The following GRAMD1A variants were observed in gnomAD, a reference collection of about 807,000 sequenced individuals.
GRAMD1A encodes the protein protein Aster-A.
GRAMD1A carries 50 observed loss-of-function variants against 92.0 expected under a neutral mutation model. The observed-to-expected ratio is 0.54, with a 90% confidence interval of 0.43 to 0.69. The LOEUF (loss-of-function observed/expected upper bound fraction) is 0.69. Ranked by LOEUF, GRAMD1A falls within the 30% of genes least tolerant of loss-of-function variation. GRAMD1A has a pLI of 0.00. For missense variants in GRAMD1A, 819 were observed against 978.9 expected (o/e 0.84, Z 2.18); for synonymous variants, 405 against 403.6 (o/e 1.00, Z -0.04).
rs2015389934 is a variant in GRAMD1A at position 35,013,408 on chromosome 19, G to A, written c.719+40G>A. 1.3e-6 allele frequency: 2 copies of A among 1,501,914 alleles called. No individual in the cohort carries two copies. Among genetic ancestry groups the A allele is most frequent in the African/African-American group, 1.4e-5 (1 of 72,316 alleles). 93.0% of individuals were successfully genotyped at this position (1,501,914 alleles called of 1,614,324 possible). ...AAAGGAGGTTGAAGGGTTCGGGGGAGAACAGGACGGTCGGCGTGCAGAGTT... is the reference window on the plus strand; with the variant it reads ...AAAGGAGGTTGAAGGGTTCGGGGGAAAACAGGACGGTCGGCGTGCAGAGTT... On this transcript the variant is annotated intron_variant, in intron 8 of 19. Coordinates refer to ENST00000317991, the MANE Select transcript of GRAMD1A (RefSeq NM_020895.5). This position sits in a 1 kb window ranked among gnomAD's most constrained non-coding sequence, Gnocchi z 4.9.
At chr19:35,012,776 A>T (rs1230822096) in intron 7 of GRAMD1A, among the ~76,000 whole-genome samples, 1 of 152,200 alleles carries the variant, frequency 6.6e-6, no homozygotes, top group Non-Finnish European at 1.5e-5. Context: ...GGAGTTCGAG[A>T]CCAGCCTGGC....
chr19:35,021,665 T>C lies in GRAMD1A; in HGVS notation c.1580-26T>C. 6.2e-7 allele frequency: 1 copy of C among 1,613,958 alleles called. No individual in the cohort carries two copies. The highest frequency in any genetic ancestry group is 8.5e-7 in the Non-Finnish European group (1 of 1,179,896). On this transcript the variant is annotated intron_variant, in intron 14 of 19. Transcript: ENST00000317991. The surrounding 1 kb of genome is among the most constrained non-coding windows in gnomAD (Gnocchi z 5.3). ...GGGATGGCCTGGCCAGGTATGGACATCCAGAGCCCCCTCTCTTTTACGCAG... is the reference window on the plus strand; with the variant it reads ...GGGATGGCCTGGCCAGGTATGGACACCCAGAGCCCCCTCTCTTTTACGCAG...
chr19:35,017,375 GT>G (rs780585863), intron 11 of GRAMD1A, among the ~76,000 whole-genome samples: 34 of 152,160 alleles, frequency 2.2e-4, no homozygotes, highest in Admixed American at 9.2e-4. Context: ...CATAAGCATA[GT>G]TTTGGGGGCC....
In GRAMD1A at chr19:35,003,707, CTG is replaced by C. The variant is rs2014590224; in HGVS notation, c.8+3223_8+3224del. ...AGGAGTCTCTCCCTGCTCACCAGTG[CTG>C]TCTGGGTGAAGCCAAACTCCTGACT... On this transcript the variant is annotated intron_variant, in intron 1 of 19. Transcript: ENST00000317991. 5.3e-5 allele frequency among the ~76,000 whole-genome samples: 8 copies of C among 152,348 alleles called. No homozygotes were observed. The South Asian group carries it at 1.7e-3, about 32-fold the overall frequency.
rs2015434175 is a variant in GRAMD1A at position 35,013,900 on chromosome 19, T to C, written c.870+209T>C. On this transcript the variant is annotated intron_variant, in intron 9 of 19. Coordinates refer to ENST00000317991, the MANE Select transcript of GRAMD1A (RefSeq NM_020895.5). This position sits in a 1 kb window ranked among gnomAD's most constrained non-coding sequence, Gnocchi z 4.9. ...GAAGAGAGGGGACAGACAGAAAGGA[T>C]GAGAGACAGAAGGGATGGGAGATGG... Among the ~76,000 whole-genome samples, 1 of 151,344 alleles carries C rather than the reference T, an allele frequency of 6.6e-6. No individual in the cohort carries two copies. The highest frequency in any genetic ancestry group is 2.1e-4 in the South Asian group (1 of 4,788).
In GRAMD1A at chr19:35,021,460, G is replaced by A; in HGVS notation, c.1476-42G>A. ...TTGTGGGACGGGGCAGCCAGGGCTG[G>A]AGTCAGACCCTTACCTCCTTCCCCT... On this transcript the variant is annotated intron_variant, in intron 13 of 19. Transcript: ENST00000317991. This position sits in a 1 kb window ranked among gnomAD's most constrained non-coding sequence, Gnocchi z 5.3. 2.1e-6 allele frequency: 3 copies of A among 1,439,772 alleles called. No homozygotes were observed. The highest frequency in any genetic ancestry group is 2.9e-6 in the Non-Finnish European group (3 of 1,021,514). 89.2% of individuals were successfully genotyped at this position (1,439,772 alleles called of 1,614,324 possible). A position where few individuals can be genotyped will look rare whatever the true frequency, so the allele number is the denominator to read the frequency against.
chr19:35,007,530 C>G (rs1378903783), intron 1 of GRAMD1A, among the ~76,000 whole-genome samples: 3 of 151,864 alleles, frequency 2.0e-5, no homozygotes, highest in South Asian at 2.1e-4. Flanking sequence ...TGCACTGCAG[C>G]CTGGGCGACA....
intron 1 of GRAMD1A, among the ~76,000 whole-genome samples, chr19:35,005,239 G>C (rs1417167941): frequency 7.3e-6 from 1 of 136,320 alleles, no homozygotes; most frequent in Non-Finnish European, 1.5e-5. Flanking sequence ...AGAACTAGGG[G>C]GAAATACTGA....
In GRAMD1A at chr19:35,013,537, A is replaced by G. The variant is rs1298797715; in HGVS notation, c.720-4A>G. 5.6e-6 allele frequency: 9 copies of G among 1,598,466 alleles called. No individual in the cohort carries two copies. The highest frequency in any genetic ancestry group is 1.7e-5 in the Admixed American group (1 of 59,230). On this transcript the variant is annotated splice_region_variant and splice_polypyrimidine_tract_variant and intron_variant, in intron 8 of 19. Transcript: ENST00000317991. This position sits in a 1 kb window ranked among gnomAD's most constrained non-coding sequence, Gnocchi z 4.9. ...GCAGTCCCGCTTCCTCCCCTTTCCC[A>G]CAGGACCCCCAAGGAAGTGGGAGAT...
intron 3 of GRAMD1A, chr19:35,009,680 A>C: frequency 3.2e-6 from 2 of 634,630 alleles, no homozygotes; most frequent in Non-Finnish European, 5.6e-6. Flanking sequence ...GGAACATTGA[A>C]TGAGTCAGTG....
At chr19:34,998,915 G>A (rs1017426706), upstream of GRAMD1A, among the ~76,000 whole-genome samples, 1 of 150,228 alleles carries the variant, frequency 6.7e-6, no homozygotes, top group Non-Finnish European at 1.5e-5. Flanking sequence ...TGGATGGGGG[G>A]TGTGAGCCAG....
intron 1 of GRAMD1A, among the ~76,000 whole-genome samples, chr19:35,004,409 G>A (rs1035524914): frequency 6.6e-6 from 1 of 152,178 alleles, no homozygotes; most frequent in Non-Finnish European, 1.5e-5. Flanking sequence ...AAGGTTGGGA[G>A]TGGGTCCTGG....
intron 19 of GRAMD1A, among the ~76,000 whole-genome samples, chr19:35,024,721 G>A (rs548700585): frequency 1.3e-5 from 2 of 152,258 alleles, no homozygotes; most frequent in South Asian, 4.1e-4. Context: ...AGGATGGGGT[G>A]GGGAGGAGAT....
intron 17 of GRAMD1A, among the ~76,000 whole-genome samples, 157 bp from the exon 18 acceptor site, chr19:35,023,079 A>G (rs945164728): frequency 2.6e-5 from 4 of 152,072 alleles, no homozygotes; most frequent in African/African-American, 9.7e-5. Flanking sequence ...CTTCCCTGCT[A>G]TGGACTGTGC....
intron 19 of GRAMD1A, 147 bp downstream of exon 19, chr19:35,023,694 C>T: frequency 1.4e-6 from 1 of 697,660 alleles, no homozygotes; most frequent in Non-Finnish European, 2.3e-6. Context: ...CCCCACCCCA[C>T]AGCATTGCAG....
Position 35,021,748 on chromosome 19 carries a change from G to A in GRAMD1A, c.1637G>A (p.Arg546Gln), listed in dbSNP as rs1374815957. 6 of 1,613,594 alleles carry A rather than the reference G, an allele frequency of 3.7e-6. No homozygotes were observed. The highest frequency in any genetic ancestry group is 2.2e-5 in the South Asian group (2 of 91,086). ...LSLEEGGKDA[R>Q]GLLSGLRRRK... ...CTGGAGGAAGGCGGGAAGGATGCCCGGGGCTTGCTATCCGGCCTGCGGCGG... is the reference window on the plus strand; with the variant it reads ...CTGGAGGAAGGCGGGAAGGATGCCCAGGGCTTGCTATCCGGCCTGCGGCGG... Residue 546 changes from arginine to glutamine, a missense_variant, in exon 15 of 20, where the codon CGG (arginine) becomes CAG (glutamine). Transcript: ENST00000317991. The surrounding 1 kb of genome is among the most constrained non-coding windows in gnomAD (Gnocchi z 5.3).
rs181125754 is a variant in GRAMD1A, at chr19:35,012,361, G to A, written c.606+807G>A. ...CACCTACTTTCCAGATGGTTTTGAA[G>A]ATACAGTGAGTTAGTACATCTGTAA... On this transcript the variant is annotated intron_variant, in intron 7 of 19. Transcript: ENST00000317991. 2.6e-3 allele frequency among the ~76,000 whole-genome samples: 392 copies of A among 150,260 alleles called. 9 individuals carry two copies. The highest frequency in any genetic ancestry group is 9.1e-3 in the African/African-American group (373 of 40,882).
At chr19:35,019,140 T>C in intron 11 of GRAMD1A, 51 bp from the exon 12 acceptor site, 1 of 1,234,462 alleles carries the variant, frequency 8.1e-7, no homozygotes, top group Middle Eastern at 2.0e-4. Flanking sequence ...CTGTGGCCTG[T>C]GGGCAAAGGA....
rs373635620 is a variant in GRAMD1A, at chr19:35,019,142, G to A, written c.1214-49G>A. 3.5e-4 allele frequency: 443 copies of A among 1,276,122 alleles called. No homozygotes were observed. In the African/African-American group the frequency reaches 6.0e-3, roughly 17 times the overall value. 79.0% of individuals were successfully genotyped at this position (1,276,122 alleles called of 1,614,324 possible). On this transcript the variant is annotated intron_variant, in intron 11 of 19. Coordinates refer to ENST00000317991, the MANE Select transcript of GRAMD1A (RefSeq NM_020895.5). ...AAGGCTGAGTCTCCTGTGGCCTGTG[G>A]GCAAAGGACTGGGGTGTGGCCTCCT...
Sources: allele counts gnomAD v4.1 joint callset (sites outside exome capture counted in the v4.1 genomes callset), GRCh38; gene constraint gnomAD v4.1.1; non-coding constraint Gnocchi (gnomAD v3.1); transcripts MANE v1.5; gene names NCBI Gene and HGNC (gene_info 2026-07-23, HGNC 2026-07-21).